Variants in SLC8A1 observed in about 807,000 individuals in gnomAD.
SLC8A1 encodes sodium/calcium exchanger 1.
In SLC8A1, 18 loss-of-function variants were observed where a neutral mutation model predicts 68.3. The observed-to-expected ratio is 0.26, with a 90% CI of 0.18 to 0.39. The LOEUF (loss-of-function observed/expected upper bound fraction) is 0.39, where lower values mean the gene tolerates loss of function less well. Among genes scored for constraint, SLC8A1 ranks in the 10% least tolerant of loss-of-function variants. The pLI is 1.00. For synonymous variants in SLC8A1, 475 were observed against 415.5 expected (o/e 1.14, Z -1.74); for missense variants, 985 against 1,156.7 (o/e 0.85, Z 2.15).
At chr2:40,123,715 G>C (rs1158230746) in intron 7 of SLC8A1, among the ~76,000 whole-genome samples, 1 of 152,140 alleles carries the variant, frequency 6.6e-6, no homozygotes. Context: ...CAAAGTCCGT[G>C]AGGGCAAAAA....
At chr2:40,229,250 C>T (rs757992460) in intron 2 of SLC8A1, among the ~76,000 whole-genome samples, 4 of 151,858 alleles carry the variant, frequency 2.6e-5, no homozygotes, top group Non-Finnish European at 5.9e-5. Flanking sequence ...TGGCTCATGA[C>T]CCTACTAAGT....
exon 8 of SLC8A1, chr2:40,106,841 G>T (rs557083937): frequency 7.9e-5 from 12 of 152,330 alleles, no homozygotes; most frequent in African/African-American, 2.9e-4. Context: ...ACGGGCTCCA[G>T]TATGTAATGC....
In SLC8A1 at chr2:40,253,963, A is replaced by G. The variant is rs549827402; in HGVS notation, c.1809-76108T>C. Among the ~76,000 whole-genome samples, 5 of 152,288 alleles carry G rather than the reference A, an allele frequency of 3.3e-5. No homozygotes were observed. The South Asian group carries it at 1.0e-3, about 32-fold the overall frequency. Reference sequence around the variant, plus strand: ...AAGTTCCAGTGTTTGATAGCACAACAGGGTGACTACAGTTAATAATAACTG... The same window carrying G: ...AAGTTCCAGTGTTTGATAGCACAACGGGGTGACTACAGTTAATAATAACTG... On this transcript the variant is annotated intron_variant, in intron 2 of 7. Coordinates refer to ENST00000406785, the Ensembl canonical transcript of SLC8A1.
intron 2 of SLC8A1, among the ~76,000 whole-genome samples, chr2:40,328,594 T>C (rs2076091136): frequency 6.6e-6 from 1 of 152,174 alleles, no homozygotes; most frequent in African/African-American, 2.4e-5. Context: ...CATACATACA[T>C]TTTCCACTGC....
chr2:40,098,425 T>C (rs1429763257), exon 8 of SLC8A1: 1 of 152,040 alleles, frequency 6.6e-6, no homozygotes, highest in Non-Finnish European at 1.5e-5. Context: ...ACATAGTCTG[T>C]CAACCTTCTG....
chr2:40,305,256 TC>T (rs1432312525), intron 2 of SLC8A1, among the ~76,000 whole-genome samples: 57 of 152,176 alleles, frequency 3.7e-4, no homozygotes, highest in African/African-American at 1.4e-3. Flanking sequence ...CAGTCCCTGC[TC>T]CCCAGGGTTC....
chr2:40,101,493 G>C (rs1378513774), exon 8 of SLC8A1: 2 of 148,766 alleles, frequency 1.3e-5, no homozygotes, highest in African/African-American at 4.9e-5. Flanking sequence ...TAGATCAGCT[G>C]TGGGGTTTTA....
intron 1 of SLC8A1, among the ~76,000 whole-genome samples, chr2:40,499,682 A>T (rs1306385557): frequency 6.6e-6 from 1 of 152,014 alleles, no homozygotes; most frequent in Admixed American, 6.6e-5. Flanking sequence ...AGGACCTAGG[A>T]CAATCTTCTG....
chr2:40,303,812 C>T (rs886785124), intron 2 of SLC8A1, among the ~76,000 whole-genome samples: 3 of 152,160 alleles, frequency 2.0e-5, no homozygotes, highest in Admixed American at 6.5e-5. Context: ...TGAGATAAGC[C>T]TGAGACATAC....
chr2:40,152,025 A>G (rs1241115700), intron 6 of SLC8A1, among the ~76,000 whole-genome samples: 1 of 152,222 alleles, frequency 6.6e-6, no homozygotes, highest in East Asian at 1.9e-4. Flanking sequence ...TGACCATTAA[A>G]CAGTGTATTT....
intron 2 of SLC8A1, among the ~76,000 whole-genome samples, chr2:40,354,487 G>A (rs1255830493): frequency 2.0e-5 from 3 of 152,124 alleles, no homozygotes; most frequent in Non-Finnish European, 4.4e-5. Context: ...TGGCATTTGT[G>A]TCAATGGAGC....
intron 1 of SLC8A1, among the ~76,000 whole-genome samples, chr2:40,439,691 T>C (rs542252609): frequency 5.3e-4 from 81 of 152,292 alleles, no homozygotes; most frequent in African/African-American, 9.1e-4. Context: ...TTCAAGTAGA[T>C]AGCATTTCAG....
chr2:40,149,082 G>C (rs184085246), intron 6 of SLC8A1, among the ~76,000 whole-genome samples: 3 of 152,292 alleles, frequency 2.0e-5, no homozygotes, highest in Admixed American at 2.0e-4. Flanking sequence ...AAGGCCTGGT[G>C]CATATTCTAT....
At chr2:40,317,528 TC>T (rs1368496298) in intron 2 of SLC8A1, among the ~76,000 whole-genome samples, 1 of 152,132 alleles carries the variant, frequency 6.6e-6, no homozygotes, top group Non-Finnish European at 1.5e-5. Context: ...CACTTGGTCT[TC>T]TTTAAAATGA....
chr2:40,355,272 T>A lies in SLC8A1; in HGVS notation c.1808+73201A>T, dbSNP rs541303546. On this transcript the variant is annotated intron_variant, in intron 2 of 7. Transcript: ENST00000406785. ...CAAGGTGATTCCGATGATTTTTTGA[T>A]TCTGACAACAACATGCATGATATTC... 2.0e-5 allele frequency among the ~76,000 whole-genome samples: 3 copies of A among 152,304 alleles called. No individual in the cohort carries two copies. In the East Asian group the frequency reaches 5.8e-4, roughly 29 times the overall value.
intron 2 of SLC8A1, among the ~76,000 whole-genome samples, chr2:40,256,859 C>G (rs892709900): frequency 2.0e-5 from 3 of 152,058 alleles, no homozygotes; most frequent in African/African-American, 7.2e-5. Flanking sequence ...CCTGGGACAG[C>G]CTTTTGCATT....
intron 2 of SLC8A1, among the ~76,000 whole-genome samples, chr2:40,230,657 A>C (rs2059537788): frequency 1.3e-5 from 2 of 152,234 alleles, no homozygotes; most frequent in Non-Finnish European, 1.5e-5. Flanking sequence ...TATCATTTAG[A>C]ATTAATGAAC....
chr2:40,465,836 C>T (rs1054302590), intron 1 of SLC8A1, among the ~76,000 whole-genome samples: 2 of 152,094 alleles, frequency 1.3e-5, no homozygotes, highest in African/African-American at 4.8e-5. Flanking sequence ...GGAGGTGGGG[C>T]TGCATTGGAA....
chr2:40,342,201 T>C (rs769982756), intron 2 of SLC8A1, among the ~76,000 whole-genome samples: 5 of 152,136 alleles, frequency 3.3e-5, no homozygotes, highest in Non-Finnish European at 5.9e-5. Flanking sequence ...TATGGCCCTA[T>C]AGATATTAAC....
Sources: gnomAD v4.1 joint callset for allele counts (sites outside exome capture counted in the v4.1 genomes callset) on GRCh38, gnomAD v4.1.1 for gene constraint, MANE v1.5 for transcripts, NCBI Gene and HGNC (gene_info 2026-07-23, HGNC 2026-07-21) for gene names.